The following SPINK5 variants were observed in gnomAD, a reference collection of about 807,000 sequenced individuals.
SPINK5 encodes serine protease inhibitor Kazal-type 5.
Under a neutral mutation model 151.8 loss-of-function variants are expected in SPINK5, and 125 were observed. That is an observed-to-expected ratio of 0.82 (90% CI 0.71 to 0.96). The LOEUF is 0.96. SPINK5 is among the 40% of genes least tolerant of loss of function. The pLI, the probability that SPINK5 is intolerant of heterozygous loss-of-function variation, is 0.00. For synonymous variants in SPINK5, 374 were observed against 395.3 expected (o/e 0.95, Z 0.64); for missense variants, 1,194 against 1,291.9 (o/e 0.92, Z 1.16).
Position 148,097,994 on chromosome 5 carries a change from T to C in SPINK5, c.1010T>C (p.Phe337Ser), listed in dbSNP as rs1160348141. 9 of 1,611,088 alleles carry C rather than the reference T, an allele frequency of 5.6e-6. No homozygotes were observed. The highest frequency in any genetic ancestry group is 6.8e-6 in the Non-Finnish European group (8 of 1,178,076). ...TTGTGTTCCATGTGTCAAGCCTACTTGTGAGTATAGAGTTTTAGAATGTCA... is the reference window on the plus strand; with the variant it reads ...TTGTGTTCCATGTGTCAAGCCTACTCGTGAGTATAGAGTTTTAGAATGTCA... ...GNLCSMCQAYFQAENEEKKKA... is the reference protein window; with the variant it reads ...GNLCSMCQAYSQAENEEKKKA... Residue 337 changes from phenylalanine to serine, a missense_variant and splice_region_variant, in exon 11 of 33, where the codon TTC becomes TCC. Phe to Ser is a radical substitution (Grantham distance 155). Coordinates refer to ENST00000256084, the MANE Select transcript of SPINK5 (RefSeq NM_006846.4).
intron 19 of SPINK5, 61 bp from the exon 20 acceptor site, chr5:148,112,807 C>T (rs1753976725): frequency 3.1e-6 from 5 of 1,607,786 alleles, no homozygotes; most frequent in South Asian, 2.2e-5. Context: ...AGACATTTCT[C>T]CTTTAGGGTA....
chr5:148,077,255 G>A (rs934990209), intron 4 of SPINK5, among the ~76,000 whole-genome samples: 1 of 150,036 alleles, frequency 6.7e-6, no homozygotes, highest in Non-Finnish European at 1.5e-5. Context: ...CCTATATACA[G>A]GCTGTATACA....
In SPINK5 at chr5:148,126,462, A is replaced by T. The variant is rs1161238379; in HGVS notation, c.2868-521A>T. Among the ~76,000 whole-genome samples, 6 of 152,362 alleles carry T rather than the reference A, an allele frequency of 3.9e-5. No homozygotes were observed. The East Asian group carries it at 1.2e-3, about 29-fold the overall frequency. On this transcript the variant is annotated intron_variant, in intron 29 of 32. Coordinates refer to ENST00000256084, the MANE Select transcript of SPINK5 (RefSeq NM_006846.4). ...TTCTAGAAAATCAAAACTTCAGAAC[A>T]TTAACCCACTTGTCATCTGTTAAGT...
chr5:148,112,979 T>C (rs1191263814), intron 20 of SPINK5, 45 bp downstream of exon 20: 1 of 1,609,840 alleles, frequency 6.2e-7, no homozygotes, highest in Non-Finnish European at 8.5e-7. Context: ...GATGAGATTT[T>C]GCAGTATCTC....
At chr5:148,077,645 A>ATATATATATATATC (rs1752919244) in intron 4 of SPINK5, among the ~76,000 whole-genome samples, 1 of 147,620 alleles carries the variant, frequency 6.8e-6, no homozygotes, top group African/African-American at 2.5e-5. Flanking sequence ...AGGTATATAT[A>ATATATATATATATC]TATATATATA....
chr5:148,072,962 A>T (rs1752781235), intron 4 of SPINK5, among the ~76,000 whole-genome samples: 1 of 151,846 alleles, frequency 6.6e-6, no homozygotes. Flanking sequence ...TTCACTTGAT[A>T]ATTTTTTTCA....
intron 3 of SPINK5, 31 bp downstream of exon 3, chr5:148,070,481 T>C (rs1561672670): frequency 8.1e-6 from 13 of 1,610,842 alleles, no homozygotes; most frequent in Non-Finnish European, 1.1e-5. Flanking sequence ...TTCTTTCCAA[T>C]GTTTGAGTTA....
intron 10 of SPINK5, among the ~76,000 whole-genome samples, chr5:148,097,497 A>G (rs1039394667): frequency 3.3e-5 from 5 of 151,998 alleles, no homozygotes; most frequent in Non-Finnish European, 7.4e-5. Context: ...TATTCTCAAG[A>G]TAGAACTTAG....
At position 148,091,228 on chromosome 5, in the gene SPINK5, G is replaced by T. The variant is rs769098540; in HGVS notation, c.666G>T (p.Lys222Asn). 6 of 1,610,788 alleles carry T rather than the reference G, an allele frequency of 3.7e-6. No homozygotes were observed. The highest frequency in any genetic ancestry group is 5.1e-6 in the Non-Finnish European group (6 of 1,178,186). ...GETRIRRNAE[K>N]DFCKEYEKQV... ...CTAGAATTCGACGAAATGCTGAAAA[G>T]GTAAAATGACTCACCAACGCAATTT... Residue 222 changes from lysine (K) to asparagine (N), a missense_variant and splice_region_variant, in exon 8 of 33, where the codon AAG (lysine) becomes AAT (asparagine). By Grantham distance (94) the Lys-to-Asn change is moderately conservative (BLOSUM62 0). Transcript: ENST00000256084.
intron 30 of SPINK5, among the ~76,000 whole-genome samples, chr5:148,129,326 T>C (rs1167615222): frequency 6.6e-6 from 1 of 152,232 alleles, no homozygotes; most frequent in Non-Finnish European, 1.5e-5. Context: ...GCCTGATACC[T>C]ATTGAAAACA....
chr5:148,066,591 A>C, intron 2 of SPINK5, among the ~76,000 whole-genome samples: 1 of 152,116 alleles, frequency 6.6e-6, no homozygotes, highest in East Asian at 1.9e-4. Flanking sequence ...ATTTCATCTA[A>C]GTTTACTGAT....
chr5:148,095,050 T>C (rs1753418629), intron 9 of SPINK5, among the ~76,000 whole-genome samples: 1 of 151,932 alleles, frequency 6.6e-6, no homozygotes, highest in Non-Finnish European at 1.5e-5. Context: ...TCCTGTCCTA[T>C]GCCAGTTCCT....
At position 148,089,409 on chromosome 5, in the gene SPINK5, G is replaced by T. The variant is rs1258021307; in HGVS notation, c.475-85G>T. Reference sequence around the variant, plus strand: ...TAAGTGGCCCATAGCAATGTCAGAGGGACTGAGTTCAATAAAATTTCTGAA... The same window carrying T: ...TAAGTGGCCCATAGCAATGTCAGAGTGACTGAGTTCAATAAAATTTCTGAA... On this transcript the variant is annotated intron_variant, in intron 6 of 32. Coordinates refer to ENST00000256084, the MANE Select transcript of SPINK5 (RefSeq NM_006846.4). 10 of 1,591,452 alleles carry T rather than the reference G, an allele frequency of 6.3e-6. No individual in the cohort carries two copies. The South Asian group carries it at 1.1e-4, about 18-fold the overall frequency.
rs1355977516 is a variant in SPINK5 at position 148,128,678 on chromosome 5, G to C, written c.2964+1599G>C. On this transcript the variant is annotated intron_variant, in intron 30 of 32. Coordinates refer to ENST00000256084, the MANE Select transcript of SPINK5 (RefSeq NM_006846.4). ...CGAGTAGCTGGGACTACAGGTGCCC[G>C]CCACCACGCTAATTTTTTGTATTTT... Among the ~76,000 whole-genome samples the C allele has an allele frequency of 2.0e-5, 3 of 152,146 alleles. No individual in the cohort carries two copies. The East Asian group carries it at 5.8e-4, about 29-fold the overall frequency.
intron 24 of SPINK5, among the ~76,000 whole-genome samples, chr5:148,119,477 A>G (rs180851236): frequency 3.1e-4 from 47 of 152,308 alleles, no homozygotes; most frequent in Admixed American, 2.0e-3. Flanking sequence ...TCTGGATTCC[A>G]TAAGTTTTAA....
At chr5:148,099,501 C>CAA (rs3214448) in intron 12 of SPINK5, among the ~76,000 whole-genome samples, 186 bp downstream of exon 12, 1 of 141,598 alleles carries the variant, frequency 7.1e-6, no homozygotes, top group East Asian at 2.0e-4. Context: ...ACTAACTCTG[C>CAA]AAAAAAAAAA....
At chr5:148,078,238 A>T (rs538896985) in intron 4 of SPINK5, among the ~76,000 whole-genome samples, 1 of 151,254 alleles carries the variant, frequency 6.6e-6, no homozygotes, top group Non-Finnish European at 1.5e-5. Context: ...GTTAAGCAAT[A>T]TAACAATGAT....
intron 4 of SPINK5, among the ~76,000 whole-genome samples, chr5:148,072,674 G>A (rs1372133127): frequency 2.0e-5 from 3 of 151,346 alleles, no homozygotes; most frequent in Admixed American, 6.6e-5. Context: ...TTTAAAAGCC[G>A]GTCTCAGGGT....
intron 16 of SPINK5, 99 bp from the exon 17 acceptor site, chr5:148,106,938 G>T: frequency 6.5e-7 from 1 of 1,527,172 alleles, no homozygotes; most frequent in Non-Finnish European, 8.9e-7. Flanking sequence ...TATCACTTTT[G>T]TTTTTACTTT....
Sources: gnomAD v4.1 joint callset for allele counts (sites outside exome capture counted in the v4.1 genomes callset) on GRCh38, gnomAD v4.1.1 for gene constraint, MANE v1.5 for transcripts, NCBI Gene and HGNC (gene_info 2026-07-23, HGNC 2026-07-21) for gene names.